The following ABHD2 variants were observed in gnomAD, a reference collection of about 807,000 sequenced individuals.
The protein encoded by ABHD2 is abhydrolase domain containing 2, acylglycerol lipase, also known as monoacylglycerol lipase ABHD2.
A neutral mutation model predicts 48.1 loss-of-function variants in ABHD2; 20 were observed. That is an observed-to-expected ratio of 0.42 (90% confidence interval 0.29 to 0.60). The LOEUF is 0.60. Ranked by LOEUF, ABHD2 falls within the 20% of genes least tolerant of loss-of-function variation. The pLI, the probability that ABHD2 is intolerant of heterozygous loss-of-function variation, is 0.24. For missense variants in ABHD2, 405 were observed against 550.9 expected (o/e 0.74, Z 2.65); for synonymous variants, 209 against 214.2 (o/e 0.98, Z 0.21).
intron 3 of ABHD2, among the ~76,000 whole-genome samples, chr15:89,150,672 G>A (rs553418808): frequency 6.6e-6 from 1 of 152,178 alleles, no homozygotes; most frequent in Non-Finnish European, 1.5e-5. Flanking sequence ...GGATCATCTG[G>A]TTCTGAGAGA....
intron 3 of ABHD2, among the ~76,000 whole-genome samples, chr15:89,122,489 C>T (rs1261445215): frequency 6.6e-6 from 1 of 152,168 alleles, no homozygotes; most frequent in Non-Finnish European, 1.5e-5. Context: ...GCACTGTATC[C>T]GGCTTGTTCA....
rs577033803 is a variant in ABHD2 at position 89,200,968 on chromosome 15, G to A, written c.*5545G>A. The A allele has an allele frequency of 1.9e-4, 95 of 501,008 alleles. No individual in the cohort carries two copies. Among genetic ancestry groups the A allele is most frequent in the African/African-American group, 1.7e-3 (87 of 50,128 alleles). 31.0% of individuals were successfully genotyped at this position (501,008 alleles called of 1,614,324 possible). ...GTGGTGGCGGGCGCCTGTAATCCCA[G>A]CTACTCGGGAGGCTGAGGTGGGAGA... is the stretch of plus-strand genomic sequence containing the variant. On this transcript the variant is annotated 3_prime_UTR_variant, in exon 11 of 11. Transcript: ENST00000352732.
rs755526451 is a variant in ABHD2, at chr15:89,193,247, C to T, written c.1009C>T (p.Leu337Phe). 6.2e-7 allele frequency: 1 copy of T among 1,614,184 alleles called. No homozygotes were observed. Among genetic ancestry groups the T allele is most frequent in the Non-Finnish European group, 8.5e-7 (1 of 1,180,010 alleles). ...GTTCTTGTTGCAGATTTATGTTCCT[C>T]TCATGCTGGTTAATGCAGCTGACGA... ...MRYLHRIYVP[L>F]MLVNAADDPL... Residue 337 changes from leucine (L) to phenylalanine (F), a missense_variant, in exon 10 of 11, where the codon CTC becomes TTC. Physicochemically the swap from Leu to Phe is conservative, Grantham distance 22. Coordinates refer to ENST00000352732, the MANE Select transcript of ABHD2 (RefSeq NM_152924.5).
the ABHD2 span, among the ~76,000 whole-genome samples, chr15:89,071,746 C>T: frequency 2.0e-5 from 3 of 152,170 alleles, no homozygotes; most frequent in Admixed American, 6.5e-5. Context: ...CACTCAGGTG[C>T]GTCTGCCATA....
the ABHD2 span, among the ~76,000 whole-genome samples, chr15:89,043,478 A>AAGGAGAAGGAGG: frequency 1.7e-5 from 2 of 119,008 alleles, no homozygotes; most frequent in African/African-American, 3.2e-5. Flanking sequence ...GGAGAAGGAG[A>AAGGAGAAGGAGG]GGAAGAAGGG....
In ABHD2 at chr15:89,137,596, T is replaced by TTTTTCC. The variant is rs2050336180; in HGVS notation, c.195-14080_195-14079insTTTCCT. Among the ~76,000 whole-genome samples, 1 of 152,172 alleles carries TTTTTCC rather than the reference T, an allele frequency of 6.6e-6. No homozygotes were observed. The highest frequency in any genetic ancestry group is 1.5e-5 in the Non-Finnish European group (1 of 68,030). On this transcript the variant is annotated intron_variant, in intron 3 of 10. Coordinates refer to ENST00000352732, the MANE Select transcript of ABHD2 (RefSeq NM_152924.5). This position sits in a 1 kb window ranked among gnomAD's most constrained non-coding sequence, Gnocchi z 4.8. ...GTTTCCTCAGGCCACTTTTGGTCAT[T>TTTTTCC]TCAGGCAGAAACAGTCTCTGCATTG...
rs1334271356 is a variant in ABHD2, at chr15:89,182,807, A to G, written c.723-2617A>G. ...GACTCCATCTCAAGAAACAAAAACAAAAAAAGAACTTGGATAGGCAAGTAA... is the reference window on the plus strand; with the variant it reads ...GACTCCATCTCAAGAAACAAAAACAGAAAAAGAACTTGGATAGGCAAGTAA... On this transcript the variant is annotated intron_variant, in intron 6 of 10. Transcript: ENST00000352732. This position sits in a 1 kb window ranked among gnomAD's most constrained non-coding sequence, Gnocchi z 4.8. 6.6e-6 allele frequency among the ~76,000 whole-genome samples: 1 copy of G among 152,128 alleles called. No homozygotes were observed. Among genetic ancestry groups the G allele is most frequent in the African/African-American group, 2.4e-5 (1 of 41,408 alleles).
intron 5 of ABHD2, among the ~76,000 whole-genome samples, chr15:89,169,702 T>C (rs2050889608): frequency 6.6e-6 from 1 of 152,230 alleles, no homozygotes; most frequent in African/African-American, 2.4e-5. Flanking sequence ...ATGAGTGATA[T>C]GTTGGGTGTC....
rs142494187 is a variant in ABHD2 at position 89,090,668 on chromosome 15, C to T, written c.-107+2105C>T. On this transcript the variant is annotated intron_variant, in intron 1 of 10. Transcript: ENST00000352732. ...TAGGCTCTGAACCCTTTAAAATTAT[C>T]GTTAAAAGCAGGCAGTGAGGGGTGG... 3.9e-3 allele frequency among the ~76,000 whole-genome samples: 598 copies of T among 152,208 alleles called. 4 individuals carry two copies. Among genetic ancestry groups the T allele is most frequent in the Non-Finnish European group, 4.6e-3 (313 of 68,010 alleles).
rs752090357 is a variant in ABHD2, at chr15:89,172,418, C to T, written c.539-3394C>T. Among the ~76,000 whole-genome samples the T allele has an allele frequency of 1.4e-4, 21 of 152,340 alleles. No homozygotes were observed. In the Middle Eastern group the frequency reaches 0.01, roughly 74 times the overall value. ...TTTACTTCATGTAGCATAATGTCCTCAAGGTTCTTCCATGCTGTAGCATGT... is the reference window on the plus strand; with the variant it reads ...TTTACTTCATGTAGCATAATGTCCTTAAGGTTCTTCCATGCTGTAGCATGT... On this transcript the variant is annotated intron_variant, in intron 5 of 10. Transcript: ENST00000352732.
chr15:89,105,181 G>C (rs1416620843), intron 1 of ABHD2, among the ~76,000 whole-genome samples: 1 of 152,164 alleles, frequency 6.6e-6, no homozygotes, highest in African/African-American at 2.4e-5. Flanking sequence ...CTTTCAGCAG[G>C]GTTATTTGCT....
chr15:89,143,486 G>A (rs2050439536), intron 3 of ABHD2, among the ~76,000 whole-genome samples: 1 of 152,110 alleles, frequency 6.6e-6, no homozygotes, highest in African/African-American at 2.4e-5. Flanking sequence ...TGACCAACAT[G>A]GAGAAACCCC....
chr15:89,151,571 G>C lies in ABHD2; in HGVS notation c.195-106G>C. ...GCCTCATGTTTATGCTTTGTGTGCAGAATTTCCCTGGAACAAAAATAGGTT... is the reference window on the plus strand; with the variant it reads ...GCCTCATGTTTATGCTTTGTGTGCACAATTTCCCTGGAACAAAAATAGGTT... On this transcript the variant is annotated intron_variant, in intron 3 of 10. Coordinates refer to ENST00000352732, the MANE Select transcript of ABHD2 (RefSeq NM_152924.5). This position sits in a 1 kb window ranked among gnomAD's most constrained non-coding sequence, Gnocchi z 4.7. 7.7e-7 allele frequency: 1 copy of C among 1,298,256 alleles called. No individual in the cohort carries two copies. Among genetic ancestry groups the C allele is most frequent in the Non-Finnish European group, 1.1e-6 (1 of 937,354 alleles). 80.4% of individuals were successfully genotyped at this position (1,298,256 alleles called of 1,614,324 possible). A position where few individuals can be genotyped will look rare whatever the true frequency, so the allele number is the denominator to read the frequency against.
rs905522172 is a variant in ABHD2, at chr15:89,189,396, G to A, written c.926+1093G>A. Among the ~76,000 whole-genome samples the A allele has an allele frequency of 6.6e-6, 1 of 152,156 alleles. No individual in the cohort carries two copies. Among genetic ancestry groups the A allele is most frequent in the Non-Finnish European group, 1.5e-5 (1 of 68,032 alleles). The stretch of plus-strand genomic sequence containing the variant: ...TAGTCCCAGCTGCTTAGGAGGCTGA[G>A]ACAGGAGGATCACTTGAGCTCATAA... On this transcript the variant is annotated intron_variant, in intron 8 of 10. Coordinates refer to ENST00000352732, the MANE Select transcript of ABHD2 (RefSeq NM_152924.5). This position sits in a 1 kb window ranked among gnomAD's most constrained non-coding sequence, Gnocchi z 4.9.
At position 89,201,076 on chromosome 15, in the gene ABHD2, C is replaced by G; in HGVS notation, c.*5653C>G. 3 of 850,998 alleles carry G rather than the reference C, an allele frequency of 3.5e-6. No individual in the cohort carries two copies. Among genetic ancestry groups the G allele is most frequent in the South Asian group, 1.4e-5 (1 of 73,490 alleles). The allele number at this position is 850,998 out of a possible 1,614,324, so 52.7% of individuals were successfully genotyped here. A position where few individuals can be genotyped will look rare whatever the true frequency, so the allele number is the denominator to read the frequency against. The stretch of plus-strand genomic sequence containing the variant: ...CAGCCTGGGCAACAAGAGTGAGACT[C>G]CGTCTCCAAAAAAAGAAAAGGAATC... On this transcript the variant is annotated 3_prime_UTR_variant, in exon 11 of 11. Transcript: ENST00000352732.
chr15:89,115,126 C>T (rs1213423938), intron 2 of ABHD2, among the ~76,000 whole-genome samples: 1 of 152,170 alleles, frequency 6.6e-6, no homozygotes, highest in African/African-American at 2.4e-5. Flanking sequence ...GCACTGGCTA[C>T]CAGAGCTCTC....
chr15:89,170,988 C>T (rs564338395), intron 5 of ABHD2, among the ~76,000 whole-genome samples: 29 of 152,036 alleles, frequency 1.9e-4, no homozygotes, highest in Middle Eastern at 3.4e-3. Context: ...TGGTGGTGGG[C>T]GCCTGTAATC....
the ABHD2 span, among the ~76,000 whole-genome samples, chr15:89,058,127 C>T: frequency 6.6e-6 from 1 of 152,186 alleles, no homozygotes; most frequent in Non-Finnish European, 1.5e-5. Flanking sequence ...GAGGTAGATA[C>T]CTTCATAACC....
At chr15:89,093,273 C>T (rs1032334353) in intron 1 of ABHD2, among the ~76,000 whole-genome samples, 25 of 148,136 alleles carry the variant, frequency 1.7e-4, no homozygotes, top group South Asian at 2.1e-4. Flanking sequence ...CTCTGCTTCG[C>T]GGGTTCAAAC....
Sources: gnomAD v4.1 joint callset for allele counts (sites outside exome capture counted in the v4.1 genomes callset) on GRCh38, gnomAD v4.1.1 for gene constraint, Gnocchi (gnomAD v3.1) non-coding constraint, MANE v1.5 for transcripts, NCBI Gene and HGNC (gene_info 2026-07-23, HGNC 2026-07-21) for gene names.